The following CHRDL2 variants were observed in gnomAD, a reference collection of about 807,000 sequenced individuals.
CHRDL2 encodes chordin like 2, also known as chordin-like protein 2.
A neutral mutation model predicts 54.3 loss-of-function variants in CHRDL2; 41 were observed. That is an observed-to-expected ratio of 0.76 (90% CI 0.59 to 0.98). The LOEUF (loss-of-function observed/expected upper bound fraction) is 0.98, where lower values mean the gene tolerates loss of function less well. Ranked by LOEUF, CHRDL2 falls within the 50% of genes least tolerant of loss-of-function variation. The pLI is 0.00. For missense variants in CHRDL2, 518 were observed against 562.4 expected, an observed-to-expected ratio of 0.92 and a Z score of 0.80; for synonymous variants, 220 against 224.3, an observed-to-expected ratio of 0.98 and a Z score of 0.17.
At chr11:74,706,368 C>T in intron 6 of CHRDL2, 119 bp downstream of exon 6, 1 of 987,232 alleles carries the variant, frequency 1.0e-6, no homozygotes, top group East Asian at 2.4e-5. Context: ...TGTAGCCAAC[C>T]CAGGGGACAA....
chr11:74,700,644 T>TTA (rs1491578185), intron 9 of CHRDL2, among the ~76,000 whole-genome samples: 30 of 94,184 alleles, frequency 3.2e-4, no homozygotes, highest in African/African-American at 7.0e-4. Flanking sequence ...ATTATTATTA[T>TTA]TTTTTTTTTT....
rs1161333272 is a variant in CHRDL2 at position 74,730,923 on chromosome 11, G to A, written c.-35C>T. Reference sequence around the variant, plus strand: ...AGGGTCAGGCCGCTGGTCCGGGAGCGGAGTCGGGAGGAAGGGAGACGAAAA... The same window carrying A: ...AGGGTCAGGCCGCTGGTCCGGGAGCAGAGTCGGGAGGAAGGGAGACGAAAA... On this transcript the variant is annotated 5_prime_UTR_variant, in exon 1 of 11. Coordinates refer to ENST00000376332, the MANE Select transcript of CHRDL2 (RefSeq NM_001278473.3). 1.3e-6 allele frequency: 2 copies of A among 1,557,214 alleles called. No homozygotes were observed. The highest frequency in any genetic ancestry group is 1.8e-5 in the Admixed American group (1 of 54,076).
Position 74,730,958 on chromosome 11 carries a change from G to C in CHRDL2, c.-70C>G. ...GGAAGGGAGACGAAAAGGACACGGA[G>C]GCACAGGGGCCACAGATCAACCCAC... On this transcript the variant is annotated 5_prime_UTR_variant, in exon 1 of 11. Coordinates refer to ENST00000376332, the MANE Select transcript of CHRDL2 (RefSeq NM_001278473.3). 1 of 1,302,070 alleles carries C rather than the reference G, an allele frequency of 7.7e-7. No homozygotes were observed. Among genetic ancestry groups the C allele is most frequent in the Non-Finnish European group, 1.1e-6 (1 of 931,042 alleles). 80.7% of individuals were successfully genotyped at this position (1,302,070 alleles called of 1,614,324 possible).
chr11:74,706,430 T>C (rs2034010227), intron 6 of CHRDL2, 57 bp downstream of exon 6: 2 of 1,548,240 alleles, frequency 1.3e-6, no homozygotes, highest in African/African-American at 2.7e-5. Flanking sequence ...TCACGAGATT[T>C]AGGCCCTGGA....
Position 74,697,255 on chromosome 11 carries a change from T to G in CHRDL2, c.1163A>C (p.Asp388Ala). The change falls in exon 10 of 11, where the codon GAC becomes GCC. Residue 388 changes from aspartate (D) to alanine (A), a missense_variant. Physicochemically the swap from Asp to Ala is moderately radical, Grantham distance 126 (BLOSUM62 -2). Transcript: ENST00000376332. The stretch of plus-strand genomic sequence containing the variant: ...GAAGTGCTGTGCCTCTTTCTGGAAG[T>G]CTTGCTTCCTGACTTTCTTGATCTG... ...LTQIKKVRKQ[D>A]FQKEAQHFRL... The G allele has an allele frequency of 6.2e-7, 1 of 1,614,054 alleles. No individual in the cohort carries two copies. Among genetic ancestry groups the G allele is most frequent in the Non-Finnish European group, 8.5e-7 (1 of 1,180,004 alleles).
Position 74,704,565 on chromosome 11 carries a change from G to T in CHRDL2, c.672C>A (p.Ser224Arg), listed in dbSNP as rs768565478. 6.3e-7 allele frequency: 1 copy of T among 1,586,892 alleles called. No individual in the cohort carries two copies. The highest frequency in any genetic ancestry group is 2.3e-5 in the East Asian group (1 of 43,652). The change falls in exon 7 of 11, where the codon AGC becomes AGA. Residue 224 changes from serine to arginine, a missense_variant. Physicochemically the swap from Ser to Arg is moderately radical, Grantham distance 110. Transcript: ENST00000376332. ...PAPTGLSAPL[S>R]FIPRHFRPKG... ...TGGGTCTGAAGTGGCGAGGGATGAA[G>T]CTCAGAGGGGCGCTGAGGCCAGTGG...
At chr11:74,707,045 G>C (rs2034033488) in intron 5 of CHRDL2, among the ~76,000 whole-genome samples, 1 of 152,110 alleles carries the variant, frequency 6.6e-6, no homozygotes, top group Admixed American at 6.6e-5. Flanking sequence ...TGAGCACCCT[G>C]CCAGTCCCTA....
chr11:74,696,727 G>A (rs1009097385), intron 10 of CHRDL2, 142 bp from the exon 11 acceptor site: 6 of 655,686 alleles, frequency 9.2e-6, no homozygotes, highest in Middle Eastern at 4.1e-4. Flanking sequence ...GCCTGGAGGC[G>A]AGTGTGCCAT....
intron 1 of CHRDL2, among the ~76,000 whole-genome samples, chr11:74,730,554 G>A (rs2034635690): frequency 6.6e-6 from 1 of 152,068 alleles, no homozygotes; most frequent in African/African-American, 2.4e-5. Context: ...AAAACACAGT[G>A]CCCTGCCCTC....
intron 9 of CHRDL2, among the ~76,000 whole-genome samples, chr11:74,700,643 A>ATTTTT (rs10661880): frequency 6.6e-5 from 9 of 136,032 alleles, no homozygotes; most frequent in Non-Finnish European, 9.4e-5. Context: ...TATTATTATT[A>ATTTTT]TTTTTTTTTT....
At chr11:74,709,274 C>T (rs1296857107) in intron 4 of CHRDL2, among the ~76,000 whole-genome samples, 3 of 152,170 alleles carry the variant, frequency 2.0e-5, no homozygotes, top group Non-Finnish European at 2.9e-5. Context: ...GCCCCCTCCT[C>T]ATCCAGGCCT....
chr11:74,710,763 A>G (rs1591359640), intron 4 of CHRDL2, 86 bp downstream of exon 4: 2 of 1,477,188 alleles, frequency 1.4e-6, no homozygotes, highest in East Asian at 4.9e-5. Context: ...AGGAGGAACA[A>G]TCCCCCCAGT....
rs1417973502 is a variant in CHRDL2, at chr11:74,731,075, G to A, written c.-187C>T. ...AGGAGGGCAGGAAGGGAGGTCTAAG[G>A]TGGGAAGAAGAGAAAGGTGGAAAGA... On this transcript the variant is annotated 5_prime_UTR_variant, in exon 1 of 11. Transcript: ENST00000376332. The surrounding 1 kb of genome is among the most constrained non-coding windows in gnomAD (Gnocchi z 4.4). The A allele has an allele frequency of 1.7e-6, 1 of 592,890 alleles. No homozygotes were observed. Among genetic ancestry groups the A allele is most frequent in the African/African-American group, 1.9e-5 (1 of 53,462 alleles). 36.7% of individuals were successfully genotyped at this position (592,890 alleles called of 1,614,324 possible). A position where few individuals can be genotyped will look rare whatever the true frequency, so the allele number is the denominator to read the frequency against.
At position 74,708,393 on chromosome 11, in the gene CHRDL2, C is replaced by T. The variant is rs1591357410; in HGVS notation, c.435G>A (p.Glu145=). ...TTGTGAGGCCGCAGTAGATCTGGCC[C>T]TCCTGACAGATAGAGCAAACCAGCT... ...PNQCVLCSCT[E]GQIYCGLTTC... Residue 145 remains glutamate (E), a splice_region_variant and synonymous_variant, in exon 5 of 11, where the codon GAG becomes GAA. Transcript: ENST00000376332. The T allele has an allele frequency of 2.5e-6, 4 of 1,572,758 alleles. No homozygotes were observed. The East Asian group carries it at 7.2e-5, about 28-fold the overall frequency.
At chr11:74,704,694 T>C (rs199615861) in intron 6 of CHRDL2, 40 bp from the exon 7 acceptor site, 1 of 1,587,614 alleles carries the variant, frequency 6.3e-7, no homozygotes, top group African/African-American at 1.3e-5. Flanking sequence ...TGACTGAGCA[T>C]AGCAGGCCCC....
At chr11:74,711,013 AG>A in intron 3 of CHRDL2, 22 bp from the exon 4 acceptor site, 1 of 1,597,252 alleles carries the variant, frequency 6.3e-7, no homozygotes, top group Non-Finnish European at 8.5e-7. Flanking sequence ...GAGGGGCAGG[AG>A]GAAGAAGAAA....
intron 2 of CHRDL2, among the ~76,000 whole-genome samples, chr11:74,717,865 C>T (rs758810392): frequency 5.3e-5 from 8 of 152,146 alleles, no homozygotes; most frequent in Non-Finnish European, 1.2e-4. Flanking sequence ...CACTGGGCTC[C>T]AGGCAGCTGA....
intron 9 of CHRDL2, chr11:74,698,698 CA>C (rs1358964193): frequency 2.0e-5 from 3 of 152,866 alleles, no homozygotes; most frequent in African/African-American, 7.3e-5. Flanking sequence ...CACACACACA[CA>C]CACACACACA....
Position 74,704,510 on chromosome 11 carries a change from C to T in CHRDL2, c.727G>A (p.Val243Ile), listed in dbSNP as rs1316093221. 4.4e-6 allele frequency: 7 copies of T among 1,583,098 alleles called. No homozygotes were observed. The highest frequency in any genetic ancestry group is 4.6e-5 in the East Asian group (2 of 43,382). ...KGAGSTTVKI[V>I]LKEKHKKACV... ...CCTTTCTTATGTTTCTCCTTCAGGA[C>T]GATCTTGACAGTTGTGCTGCCTGCT... The change falls in exon 7 of 11, where the codon GTC (valine) becomes ATC (isoleucine). Residue 243 changes from valine (V) to isoleucine (I), a missense_variant. Val to Ile is a conservative substitution (Grantham distance 29, BLOSUM62 3). Coordinates refer to ENST00000376332, the MANE Select transcript of CHRDL2 (RefSeq NM_001278473.3).
Sources: allele counts gnomAD v4.1 joint callset (sites outside exome capture counted in the v4.1 genomes callset), GRCh38; gene constraint gnomAD v4.1.1; non-coding constraint Gnocchi (gnomAD v3.1); transcripts MANE v1.5; gene names NCBI Gene and HGNC (gene_info 2026-07-23, HGNC 2026-07-21).